FANCC: variants seen among roughly 807,000 people sequenced by gnomAD.
FANCC encodes FA complementation group C.
A neutral mutation model predicts 71.3 loss-of-function variants in FANCC; 55 were observed. That is an observed-to-expected ratio of 0.77 (90% CI 0.62 to 0.97). The LOEUF is 0.97. Among genes scored for constraint, FANCC ranks in the 50% least tolerant of loss-of-function variants. FANCC has a pLI of 0.00. For synonymous variants in FANCC, 275 were observed against 244.9 expected, an observed-to-expected ratio of 1.12 and a Z score of -1.15; for missense variants, 678 against 670.9, an observed-to-expected ratio of 1.01 and a Z score of -0.12.
chr9:95,146,611 T>C lies in FANCC; in HGVS notation c.686+3312A>G, dbSNP rs4647503. ...CAGTAAGTATCATTTTAAAATCACA[T>C]TGCATGTATACCTTGAATTCGGAAA... On this transcript the variant is annotated intron_variant, in intron 7 of 14. Transcript: ENST00000289081. Among the ~76,000 whole-genome samples the C allele has an allele frequency of 9.7e-3, 1,470 of 152,132 alleles. 22 individuals are homozygous for C. Among genetic ancestry groups the C allele is most frequent in the African/African-American group, 0.034 (1,400 of 41,506 alleles).
chr9:95,122,606 G>A (rs1283791594), intron 10 of FANCC, among the ~76,000 whole-genome samples: 1 of 152,160 alleles, frequency 6.6e-6, no homozygotes, highest in Non-Finnish European at 1.5e-5. Flanking sequence ...CGTATGCCTG[G>A]TCAGGGTACT....
At chr9:95,151,986 C>T (rs1830203284) in intron 6 of FANCC, among the ~76,000 whole-genome samples, 1 of 151,734 alleles carries the variant, frequency 6.6e-6, no homozygotes, top group South Asian at 2.1e-4. Context: ...TGCAAAAGAC[C>T]ACACCAATTT....
intron 10 of FANCC, among the ~76,000 whole-genome samples, chr9:95,119,003 G>GT (rs2072656757): frequency 6.6e-6 from 1 of 152,172 alleles, no homozygotes; most frequent in Non-Finnish European, 1.5e-5. Context: ...TTCCGGTGTT[G>GT]TACCATCTTA....
At chr9:95,216,606 A>C (rs1828879538) in intron 4 of FANCC, among the ~76,000 whole-genome samples, 1 of 152,264 alleles carries the variant, frequency 6.6e-6, no homozygotes, top group Non-Finnish European at 1.5e-5. Flanking sequence ...AGGTTTGCTA[A>C]CTGTCCAACA....
chr9:95,200,260 C>T (rs901224454), intron 4 of FANCC, among the ~76,000 whole-genome samples: 3 of 152,154 alleles, frequency 2.0e-5, no homozygotes, highest in Non-Finnish European at 4.4e-5. Context: ...CACTTACTGG[C>T]TACATTACCC....
At chr9:95,309,972 TCC>T (rs1835289917) in intron 1 of FANCC, among the ~76,000 whole-genome samples, 1 of 152,216 alleles carries the variant, frequency 6.6e-6, no homozygotes, top group Admixed American at 6.5e-5. Context: ...AATCACAATG[TCC>T]TACCTAGCTG....
chr9:95,216,764 T>C (rs1443964318), intron 4 of FANCC, among the ~76,000 whole-genome samples: 2 of 152,174 alleles, frequency 1.3e-5, no homozygotes, highest in Non-Finnish European at 2.9e-5. Context: ...ATCTCTCCCA[T>C]AGGTCTTCTG....
At chr9:95,111,261 T>C (rs892610896) in intron 13 of FANCC, 2 of 1,546,324 alleles carry the variant, frequency 1.3e-6, no homozygotes, top group Non-Finnish European at 8.7e-7. Flanking sequence ...GTCTCGTCTC[T>C]GGCCACCTCG....
At chr9:95,132,895 GCATAGTCC>G (rs1447460855) in intron 8 of FANCC, among the ~76,000 whole-genome samples, 4 of 152,142 alleles carry the variant, frequency 2.6e-5, no homozygotes, top group Non-Finnish European at 5.9e-5. Flanking sequence ...GACTCATTCT[GCATAGTCC>G]CAAGAGAGAG....
chr9:95,147,629 A>C (rs900404746), intron 7 of FANCC, among the ~76,000 whole-genome samples: 36 of 152,344 alleles, frequency 2.4e-4, no homozygotes, highest in African/African-American at 8.7e-4. Flanking sequence ...AAAGACAAAA[A>C]ATGTGAGGAA....
chr9:95,198,965 C>A (rs1827633245), intron 4 of FANCC, among the ~76,000 whole-genome samples: 1 of 152,090 alleles, frequency 6.6e-6, no homozygotes, highest in African/African-American at 2.4e-5. Flanking sequence ...GCCAGGAACT[C>A]CTGGGCTCAA....
chr9:95,231,350 G>T (rs1488151959), intron 4 of FANCC, among the ~76,000 whole-genome samples: 3 of 152,220 alleles, frequency 2.0e-5, no homozygotes, highest in Non-Finnish European at 4.4e-5. Context: ...ACAGCCAGGT[G>T]ACAGGGGTCC....
At chr9:95,279,505 A>G (rs1395386415) in intron 1 of FANCC, among the ~76,000 whole-genome samples, 1 of 137,082 alleles carries the variant, frequency 7.3e-6, no homozygotes, top group Non-Finnish European at 1.6e-5. Flanking sequence ...GACCCTGTCT[A>G]AAAAAAAAAA....
At chr9:95,167,804 T>C (rs556240957) in intron 6 of FANCC, among the ~76,000 whole-genome samples, 2 of 152,234 alleles carry the variant, frequency 1.3e-5, no homozygotes, top group Non-Finnish European at 2.9e-5. Context: ...AGGTAATGCA[T>C]AGATCTCTGC....
chr9:95,145,460 C>T (rs561447470), intron 7 of FANCC: 9 of 152,162 alleles, frequency 5.9e-5, no homozygotes, highest in Non-Finnish European at 1.0e-4. Context: ...CCAGCTCTCT[C>T]GATAATCTAT....
intron 7 of FANCC, among the ~76,000 whole-genome samples, chr9:95,141,986 T>C (rs1030454847): frequency 3.2e-4 from 2 of 6,320 alleles, no homozygotes; most frequent in Non-Finnish European, 1.4e-3. Context: ...GTTTGTGGGG[T>C]TTTTTTTTTT....
At chr9:95,239,473 T>A (rs1197771832) in intron 4 of FANCC, among the ~76,000 whole-genome samples, 3 of 152,228 alleles carry the variant, frequency 2.0e-5, no homozygotes, top group African/African-American at 7.2e-5. Context: ...TTAGATGGCC[T>A]ACTTCAGGAC....
intron 6 of FANCC, among the ~76,000 whole-genome samples, chr9:95,154,428 T>C (rs1348527576): frequency 6.6e-6 from 1 of 152,010 alleles, no homozygotes; most frequent in Non-Finnish European, 1.5e-5. Context: ...GGACTGTTTG[T>C]AAAAGGTAGA....
intron 1 of FANCC, among the ~76,000 whole-genome samples, chr9:95,288,424 T>C (rs1420236906): frequency 3.3e-5 from 5 of 152,244 alleles, no homozygotes; most frequent in African/African-American, 1.2e-4. Context: ...CGCTAGGCTA[T>C]TCTTTGAATA....
Sources: allele counts gnomAD v4.1 joint callset (sites outside exome capture counted in the v4.1 genomes callset), GRCh38; gene constraint gnomAD v4.1.1; transcripts MANE v1.5; gene names NCBI Gene and HGNC (gene_info 2026-07-23, HGNC 2026-07-21).